Variants in ZNF148 observed in about 807,000 individuals in gnomAD.
The protein encoded by ZNF148 is zinc finger protein 148.
ZNF148 carries 7 observed loss-of-function variants against 67.7 expected under a neutral mutation model. The observed-to-expected ratio is 0.10, with a 90% CI of 0.06 to 0.19. The LOEUF is 0.19. ZNF148 is among the 10% of genes least tolerant of loss of function. ZNF148 has a pLI of 1.00. For missense variants in ZNF148, 583 were observed against 947.1 expected, an observed-to-expected ratio of 0.62 and a Z score of 5.05; for synonymous variants, 333 against 330.7, an observed-to-expected ratio of 1.01 and a Z score of -0.08.
intron 1 of ZNF148, among the ~76,000 whole-genome samples, chr3:125,333,510 T>C (rs947569795): frequency 3.1e-5 from 4 of 129,200 alleles, no homozygotes; most frequent in African/African-American, 1.2e-4. Context: ...CCCCCTTTCT[T>C]CTCTTCCACT....
intron 4 of ZNF148, among the ~76,000 whole-genome samples, chr3:125,295,205 C>T (rs985424500): frequency 1.3e-5 from 2 of 152,054 alleles, no homozygotes; most frequent in Non-Finnish European, 2.9e-5. Flanking sequence ...CCTGTAATCC[C>T]AGCACTTTGG....
rs908133938 is a variant in ZNF148 at position 125,323,500 on chromosome 3, C to G, written c.-152-56G>C. ...ATTTATGGTAGGAAAAGATACTATA[C>G]AAATATAATATGTGCAAATTGGTAT... On this transcript the variant is annotated intron_variant, in intron 2 of 8. Coordinates refer to ENST00000360647, the MANE Select transcript of ZNF148 (RefSeq NM_021964.3). 2.3e-5 allele frequency: 14 copies of G among 608,484 alleles called. No homozygotes were observed. In the African/African-American group the frequency reaches 2.6e-4, roughly 11 times the overall value. 37.7% of individuals were successfully genotyped at this position (608,484 alleles called of 1,614,324 possible).
intron 1 of ZNF148, among the ~76,000 whole-genome samples, chr3:125,350,660 C>T (rs9835788): frequency 0.76 from 115,933 of 152,128 alleles, 44,790 homozygotes; most frequent in African/African-American, 0.87. Context: ...TCACCTGCGC[C>T]GTTAAAAATA....
At chr3:125,277,622 T>C in intron 7 of ZNF148, 104 bp downstream of exon 7, 1 of 929,718 alleles carries the variant, frequency 1.1e-6, no homozygotes, top group Non-Finnish European at 1.6e-6. Context: ...ATTTATAGTC[T>C]AAACCAATGG....
At chr3:125,325,530 A>G (rs1323328703) in intron 2 of ZNF148, among the ~76,000 whole-genome samples, 1 of 152,114 alleles carries the variant, frequency 6.6e-6, no homozygotes, top group Non-Finnish European at 1.5e-5. Context: ...CGATAGTACA[A>G]TCTTGGCTCA....
intron 4 of ZNF148, among the ~76,000 whole-genome samples, chr3:125,306,382 T>C (rs1182711432): frequency 6.6e-6 from 1 of 152,014 alleles, no homozygotes; most frequent in African/African-American, 2.4e-5. Flanking sequence ...TGAAAACAAG[T>C]AAATCTCTAC....
chr3:125,307,480 T>C (rs1939949126), intron 4 of ZNF148, among the ~76,000 whole-genome samples: 1 of 152,088 alleles, frequency 6.6e-6, no homozygotes, highest in Non-Finnish European at 1.5e-5. Flanking sequence ...TTTTTTGTAT[T>C]TTTTTAGTTG....
At chr3:125,280,285 A>C (rs1199748436) in intron 5 of ZNF148, among the ~76,000 whole-genome samples, 1 of 152,106 alleles carries the variant, frequency 6.6e-6, no homozygotes, top group African/African-American at 2.4e-5. Flanking sequence ...GGGCTTATTG[A>C]GATTAAGAGT....
At chr3:125,344,720 C>G in intron 1 of ZNF148, 1 of 585,132 alleles carries the variant, frequency 1.7e-6, no homozygotes, top group Non-Finnish European at 3.2e-6. Context: ...ACTTCAGTGC[C>G]AGTTTCCATT....
chr3:125,374,751 C>T (rs575947536), intron 1 of ZNF148, among the ~76,000 whole-genome samples: 6 of 152,194 alleles, frequency 3.9e-5, no homozygotes, highest in African/African-American at 9.6e-5. Context: ...TCTCCCTAGC[C>T]TTTTCACACC....
Position 125,288,206 on chromosome 3 carries a change from G to A in ZNF148, c.356C>T (p.Thr119Ile). The change falls in exon 5 of 9, where the codon ACT becomes ATT. Residue 119 changes from threonine (T) to isoleucine (I), a missense_variant. Thr to Ile is a moderately conservative substitution (Grantham distance 89). Coordinates refer to ENST00000360647, the MANE Select transcript of ZNF148 (RefSeq NM_021964.3). ...CAGTTGCTCAGATACATCAGTAAAA[G>A]TAATTTCCTGCTTTACGCTTATCTG... is the stretch of plus-strand genomic sequence containing the variant. ...NVPISVKQEI[T>I]FTDVSEQLMR... 6.2e-7 allele frequency: 1 copy of A among 1,613,360 alleles called. No individual in the cohort carries two copies.
chr3:125,242,483 C>T (rs951927797), intron 7 of ZNF148, among the ~76,000 whole-genome samples: 32 of 152,120 alleles, frequency 2.1e-4, no homozygotes, highest in African/African-American at 6.5e-4. Flanking sequence ...CTTAGCCAAG[C>T]GTGGTGGCAC....
intron 7 of ZNF148, among the ~76,000 whole-genome samples, chr3:125,241,616 G>T (rs372607873): frequency 6.6e-6 from 1 of 152,216 alleles, no homozygotes; most frequent in South Asian, 2.1e-4. Context: ...TCTGACAGCG[G>T]ATGTTATTTA....
chr3:125,288,054 A>C, intron 5 of ZNF148, 49 bp downstream of exon 5: 2 of 1,611,648 alleles, frequency 1.2e-6, no homozygotes, highest in Admixed American at 3.3e-5. Context: ...GAATTAACCA[A>C]CAGTTGGAAT....
chr3:125,297,870 A>C (rs2107643330), intron 4 of ZNF148, among the ~76,000 whole-genome samples: 1 of 152,350 alleles, frequency 6.6e-6, no homozygotes, highest in East Asian at 1.9e-4. Flanking sequence ...TAAGTATATA[A>C]CCAACAGAAA....
chr3:125,294,397 T>C (rs917987055), intron 4 of ZNF148, among the ~76,000 whole-genome samples: 1 of 152,240 alleles, frequency 6.6e-6, no homozygotes, highest in African/African-American at 2.4e-5. Context: ...TCTTGACAAC[T>C]GTACCATACG....
At chr3:125,360,783 A>G (rs2107780690) in intron 1 of ZNF148, among the ~76,000 whole-genome samples, 1 of 151,352 alleles carries the variant, frequency 6.6e-6, no homozygotes, top group South Asian at 2.1e-4. Context: ...GTTTAAGACC[A>G]GCCTGGGCAA....
rs1444003019 is a variant in ZNF148 at position 125,226,550 on chromosome 3, A to G, written c.*5791T>C. 2 of 152,660 alleles carry G rather than the reference A, an allele frequency of 1.3e-5. No individual in the cohort carries two copies. Among genetic ancestry groups the G allele is most frequent in the African/African-American group, 4.8e-5 (2 of 41,466 alleles). The allele number at this position is 152,660 out of a possible 1,614,324, so 9.5% of individuals were successfully genotyped here. A position where few individuals can be genotyped will look rare whatever the true frequency, so the allele number is the denominator to read the frequency against. On this transcript the variant is annotated 3_prime_UTR_variant, in exon 9 of 9. Coordinates refer to ENST00000360647, the MANE Select transcript of ZNF148 (RefSeq NM_021964.3). ...AGATAACTATATGACAATAGTGTTG[A>G]AAGCCGTGAAACTCATTAAACCTCT...
chr3:125,269,515 T>C lies in ZNF148; in HGVS notation c.667+8211A>G, dbSNP rs138919863. Among the ~76,000 whole-genome samples, 248 of 151,050 alleles carry C rather than the reference T, an allele frequency of 1.6e-3. 2 individuals carry two copies. Among genetic ancestry groups the C allele is most frequent in the African/African-American group, 5.6e-3 (229 of 41,252 alleles). ...AACACTTATACATTATTGGTAGACG[T>C]GAATTATTTCAGCGACTGTGAAAAA... On this transcript the variant is annotated intron_variant, in intron 7 of 8. Transcript: ENST00000360647.
Sources: gnomAD v4.1 joint callset for allele counts (sites outside exome capture counted in the v4.1 genomes callset) on GRCh38, gnomAD v4.1.1 for gene constraint, MANE v1.5 for transcripts, NCBI Gene and HGNC (gene_info 2026-07-23, HGNC 2026-07-21) for gene names.